Variants in KCNAB1 observed in about 807,000 individuals in gnomAD.
The protein encoded by KCNAB1 is potassium voltage-gated channel subfamily A regulatory beta subunit 1.
A neutral mutation model predicts 64.6 loss-of-function variants in KCNAB1; 35 were observed. The ratio of observed to expected loss-of-function variants is 0.54; its 90% CI spans 0.41 to 0.72. The LOEUF (loss-of-function observed/expected upper bound fraction) is 0.72. KCNAB1 is among the 30% of genes least tolerant of loss of function. KCNAB1 has a pLI of 0.00. For synonymous variants in KCNAB1, 177 were observed against 183.8 expected, an observed-to-expected ratio of 0.96 and a Z score of 0.30; for missense variants, 401 against 512.9, an observed-to-expected ratio of 0.78 and a Z score of 2.11.
intron 1 of KCNAB1, among the ~76,000 whole-genome samples, chr3:156,204,479 A>G (rs570181258): frequency 1.3e-5 from 2 of 152,358 alleles, no homozygotes; most frequent in East Asian, 1.9e-4. Flanking sequence ...TAGAAGAGAC[A>G]CTTCCCTCTG....
chr3:156,295,393 C>T (rs1431534393), intron 1 of KCNAB1, among the ~76,000 whole-genome samples: 1 of 152,168 alleles, frequency 6.6e-6, no homozygotes, highest in African/African-American at 2.4e-5. Context: ...TTAAAGCCAA[C>T]TAATATAACA....
chr3:156,417,741 G>C (rs972079372), intron 1 of KCNAB1, among the ~76,000 whole-genome samples: 1 of 150,852 alleles, frequency 6.6e-6, no homozygotes, highest in South Asian at 2.1e-4. Flanking sequence ...AAGCCTGGTG[G>C]CTGCTCCATA....
rs113535654 is a variant in KCNAB1, at chr3:156,387,583, G to A, written c.276-34033G>A. On this transcript the variant is annotated intron_variant, in intron 1 of 13. Transcript: ENST00000490337. ...TTCAGTTACAGTGATTGATTTTCAAGATTGATTCTCATTTTTAATACATTC... is the reference window on the plus strand; with the variant it reads ...TTCAGTTACAGTGATTGATTTTCAAAATTGATTCTCATTTTTAATACATTC... Among the ~76,000 whole-genome samples, 298 of 152,284 alleles carry A rather than the reference G, an allele frequency of 2.0e-3. 2 individuals are homozygous for A. Among genetic ancestry groups the A allele is most frequent in the African/African-American group, 6.9e-3 (287 of 41,550 alleles).
At chr3:156,252,248 C>A (rs555670743) in intron 1 of KCNAB1, among the ~76,000 whole-genome samples, 2 of 152,250 alleles carry the variant, frequency 1.3e-5, no homozygotes, top group African/African-American at 4.8e-5. Context: ...TGTTCCCTGG[C>A]ACACGCTTAA....
intron 1 of KCNAB1, among the ~76,000 whole-genome samples, chr3:156,277,924 A>G (rs1469605865): frequency 1.3e-5 from 2 of 152,164 alleles, no homozygotes; most frequent in Non-Finnish European, 2.9e-5. Flanking sequence ...CTTTTGATGG[A>G]TAGCAACAGG....
At chr3:156,464,795 T>G (rs368122232) in intron 6 of KCNAB1, among the ~76,000 whole-genome samples, 1 of 152,182 alleles carries the variant, frequency 6.6e-6, no homozygotes, top group African/African-American at 2.4e-5. Context: ...AATGTGGATT[T>G]TCATTGCCCG....
At chr3:156,135,047 A>G (rs775240726) in intron 1 of KCNAB1, among the ~76,000 whole-genome samples, 2 of 151,446 alleles carry the variant, frequency 1.3e-5, no homozygotes, top group African/African-American at 2.4e-5. Context: ...CCCAGGCTGG[A>G]GTGCAGTGGC....
At chr3:156,506,524 G>A (rs191107269) in intron 8 of KCNAB1, among the ~76,000 whole-genome samples, 1 of 152,352 alleles carries the variant, frequency 6.6e-6, no homozygotes, top group East Asian at 1.9e-4. Flanking sequence ...AGGAGAGGTT[G>A]AGGACCATGT....
intron 1 of KCNAB1, among the ~76,000 whole-genome samples, chr3:156,232,819 C>T (rs1716613083): frequency 6.6e-6 from 1 of 152,168 alleles, no homozygotes; most frequent in South Asian, 2.1e-4. Flanking sequence ...ATGCCTTAGT[C>T]ACCATTCTAA....
intron 1 of KCNAB1, among the ~76,000 whole-genome samples, chr3:156,181,384 G>C (rs1338302426): frequency 1.3e-5 from 2 of 152,186 alleles, no homozygotes. Flanking sequence ...TGGCATTTAT[G>C]AGAGTCCCGA....
At chr3:156,332,852 C>T (rs3821416) in intron 1 of KCNAB1, among the ~76,000 whole-genome samples, 56,142 of 152,042 alleles carry the variant, frequency 0.37, 13,199 homozygotes, top group African/African-American at 0.68. Context: ...GGGAGATCAA[C>T]TTTTTTCCCC....
chr3:156,537,127 T>A lies in KCNAB1; in HGVS notation c.*380T>A. The A allele has an allele frequency of 2.5e-6, 1 of 401,234 alleles. No individual in the cohort carries two copies. The highest frequency in any genetic ancestry group is 3.5e-5 in the East Asian group (1 of 28,206). 24.9% of individuals were successfully genotyped at this position (401,234 alleles called of 1,614,324 possible). On this transcript the variant is annotated 3_prime_UTR_variant, in exon 14 of 14. Coordinates refer to ENST00000490337, the MANE Select transcript of KCNAB1 (RefSeq NM_172160.3). ...CAAAATCCACAGATGCAATGTGAGT[T>A]GCGTAAGAAACAGAGTAGATAGACT...
chr3:156,281,427 T>C (rs1182481059), intron 1 of KCNAB1, among the ~76,000 whole-genome samples: 1 of 150,236 alleles, frequency 6.7e-6, no homozygotes, highest in East Asian at 1.9e-4. Context: ...TAAAATTCTC[T>C]TTTTTTGTTG....
chr3:156,370,209 C>T (rs1243823334), intron 1 of KCNAB1, among the ~76,000 whole-genome samples: 3 of 152,094 alleles, frequency 2.0e-5, no homozygotes, highest in East Asian at 1.9e-4. Context: ...CAAACATGCT[C>T]CTCTGATGTC....
chr3:156,423,701 G>GTT (rs545760479), intron 2 of KCNAB1, among the ~76,000 whole-genome samples: 1 of 152,062 alleles, frequency 6.6e-6, no homozygotes, highest in African/African-American at 2.4e-5. Flanking sequence ...GTGGGTTTTT[G>GTT]TTTTTTTACA....
chr3:156,394,255 C>T (rs1374631011), intron 1 of KCNAB1, among the ~76,000 whole-genome samples: 1 of 152,196 alleles, frequency 6.6e-6, no homozygotes, highest in Non-Finnish European at 1.5e-5. Flanking sequence ...ACCATCTCCC[C>T]TAGAATATCC....
rs146682628 is a variant in KCNAB1 at position 156,206,424 on chromosome 3, G to C, written c.275+85538G>C. Among the ~76,000 whole-genome samples the C allele has an allele frequency of 2.8e-3, 423 of 152,242 alleles. 3 individuals are homozygous for C. Among genetic ancestry groups the C allele is most frequent in the African/African-American group, 9.4e-3 (391 of 41,542 alleles). On this transcript the variant is annotated intron_variant, in intron 1 of 13. Coordinates refer to ENST00000490337, the MANE Select transcript of KCNAB1 (RefSeq NM_172160.3). The stretch of plus-strand genomic sequence containing the variant: ...GGTGGTATGAGGCTTAGATTCCTAT[G>C]ACCATCCCCCTGCAACAAGGAGAAC...
At chr3:156,433,270 T>TGATTAATTTTTTA (rs2108246739) in intron 2 of KCNAB1, among the ~76,000 whole-genome samples, 1 of 152,234 alleles carries the variant, frequency 6.6e-6, no homozygotes, top group African/African-American at 2.4e-5. Flanking sequence ...CGTTTGATGG[T>TGATTAATTTTTTA]GATTAATTTT....
At chr3:156,267,254 G>A (rs1292585390) in intron 1 of KCNAB1, among the ~76,000 whole-genome samples, 2 of 152,042 alleles carry the variant, frequency 1.3e-5, no homozygotes, top group Non-Finnish European at 1.5e-5. Context: ...TTATATTCAT[G>A]TTAGAACTGG....
Sources: gnomAD v4.1 joint callset for allele counts (sites outside exome capture counted in the v4.1 genomes callset) on GRCh38, gnomAD v4.1.1 for gene constraint, MANE v1.5 for transcripts, NCBI Gene and HGNC (gene_info 2026-07-23, HGNC 2026-07-21) for gene names.